The following ANK1 variants were observed in gnomAD, a reference collection of about 807,000 sequenced individuals.
ANK1 encodes the protein ankyrin 1.
In ANK1, 51 loss-of-function variants were observed where a neutral mutation model predicts 210.4. The observed-to-expected ratio is 0.24, with a 90% confidence interval of 0.19 to 0.31. ANK1 has a LOEUF of 0.31. Among genes scored for constraint, ANK1 ranks in the 10% least tolerant of loss-of-function variants. ANK1 has a pLI of 1.00. For synonymous variants in ANK1, 967 were observed against 1,025.9 expected (o/e 0.94, Z 1.10); for missense variants, 2,051 against 2,504.4 (o/e 0.82, Z 3.86).
chr8:41,776,361 G>T (rs1459416468), intron 1 of ANK1, among the ~76,000 whole-genome samples: 1 of 152,118 alleles, frequency 6.6e-6, no homozygotes, highest in African/African-American at 2.4e-5. Flanking sequence ...TTAATGAGCG[G>T]GGATCTGTCC....
chr8:41,884,500 AC>A, intron 1 of ANK1, among the ~76,000 whole-genome samples: 1 of 152,068 alleles, frequency 6.6e-6, no homozygotes, highest in South Asian at 2.1e-4. Context: ...AGTATCTCAG[AC>A]CCAGACTCAG....
intron 1 of ANK1, among the ~76,000 whole-genome samples, chr8:41,855,262 C>T (rs987492622): frequency 1.8e-4 from 27 of 152,146 alleles, no homozygotes; most frequent in African/African-American, 6.5e-4. Flanking sequence ...TGTTATGTGA[C>T]CAAAGTCACC....
chr8:41,760,495 A>G (rs1277941355), intron 1 of ANK1, among the ~76,000 whole-genome samples: 1 of 152,076 alleles, frequency 6.6e-6, no homozygotes, highest in Non-Finnish European at 1.5e-5. Context: ...TTTATAAATT[A>G]CCCAGTCTCG....
At chr8:41,870,874 C>A (rs914856147) in intron 1 of ANK1, among the ~76,000 whole-genome samples, 1 of 152,182 alleles carries the variant, frequency 6.6e-6, no homozygotes, top group South Asian at 2.1e-4. Context: ...GGAGCCTCTG[C>A]TTGGCGAACA....
rs771469784 is a variant in ANK1 at position 41,704,052 on chromosome 8, C to T, written c.2284G>A (p.Glu762Lys). 45 of 1,613,904 alleles carry T rather than the reference C, an allele frequency of 2.8e-5. No homozygotes were observed. Among genetic ancestry groups the T allele is most frequent in the African/African-American group, 6.7e-5 (5 of 74,896 alleles). Residue 762 changes from glutamate to lysine, a missense_variant, in exon 20 of 43, where the codon GAG becomes AAG. Physicochemically the swap from Glu to Lys is moderately conservative, Grantham distance 56. Around this residue, in one of 6 missense-constraint regions of ANK1, gnomAD observed 1,413 missense variants for 1,707.4 expected, o/e 0.83. Transcript: ENST00000289734. The surrounding 1 kb of genome is among the most constrained non-coding windows in gnomAD (Gnocchi z 4.1). ...LLLKNGASPNEVSSDGTTPLA... is the reference protein window; with the variant it reads ...LLLKNGASPNKVSSDGTTPLA... Reference sequence around the variant, plus strand: ...GAGAGTGTACTCACCGAGCTGACCTCGTTTGGGGAAGCACCGTTTTTCAGA... The same window carrying T: ...GAGAGTGTACTCACCGAGCTGACCTTGTTTGGGGAAGCACCGTTTTTCAGA...
At chr8:41,866,518 G>A (rs1814491199) in intron 1 of ANK1, among the ~76,000 whole-genome samples, 1 of 152,212 alleles carries the variant, frequency 6.6e-6, no homozygotes, top group Admixed American at 6.5e-5. Flanking sequence ...TAAGTGTACG[G>A]TTCAGGGACA....
chr8:41,713,086 C>T (rs147408296), intron 16 of ANK1, among the ~76,000 whole-genome samples: 336 of 152,362 alleles, frequency 2.2e-3, no homozygotes, highest in Middle Eastern at 0.014. Context: ...CTGGCACTGA[C>T]GCTCCCTGCC....
chr8:41,707,744 A>G (rs1824996167), intron 17 of ANK1, among the ~76,000 whole-genome samples: 1 of 152,220 alleles, frequency 6.6e-6, no homozygotes, highest in Non-Finnish European at 1.5e-5. Flanking sequence ...TAATGGTCCT[A>G]CCAGAATGGT....
chr8:41,823,646 T>A (rs1223452098), intron 1 of ANK1, among the ~76,000 whole-genome samples: 2 of 151,816 alleles, frequency 1.3e-5, no homozygotes, highest in Non-Finnish European at 2.9e-5. Context: ...AGTCTGTAGT[T>A]CCAGCTACTC....
chr8:41,862,193 T>C (rs1184412743), intron 1 of ANK1, among the ~76,000 whole-genome samples: 3 of 152,232 alleles, frequency 2.0e-5, no homozygotes, highest in African/African-American at 7.2e-5. Context: ...CAGATATACA[T>C]GAACTGCCTA....
intron 26 of ANK1, among the ~76,000 whole-genome samples, 183 bp downstream of exon 26, chr8:41,696,180 G>A (rs377040546): frequency 1.8e-3 from 272 of 152,284 alleles, no homozygotes; most frequent in Middle Eastern, 0.014. Flanking sequence ...GTGAGCTATC[G>A]TGCCCGACCT....
chr8:41,655,603 C>A lies in ANK1; in HGVS notation c.*187G>T. On this transcript the variant is annotated 3_prime_UTR_variant, in exon 43 of 43. Transcript: ENST00000289734. ...ATGCGTCTACAGTCAGTCATTCATG[C>A]CAAGAGGGGACTAGCAGGAGTCCCT... The A allele has an allele frequency of 8.3e-7, 1 of 1,204,672 alleles. No individual in the cohort carries two copies. The highest frequency in any genetic ancestry group is 1.3e-5 in the South Asian group (1 of 78,962). 74.6% of individuals were successfully genotyped at this position (1,204,672 alleles called of 1,614,324 possible).
Position 41,789,600 on chromosome 8 carries a change from C to T in ANK1, c.27+7912G>A, listed in dbSNP as rs942748055. Among the ~76,000 whole-genome samples the T allele has an allele frequency of 7.9e-5, 12 of 152,314 alleles. No individual in the cohort carries two copies. The South Asian group carries it at 8.3e-4, about 11-fold the overall frequency. ...TGTGGACGAGTTCACCTGCACCAGGCAATCTGGACATTGGGACTGAAGACT... is the reference window on the plus strand; with the variant it reads ...TGTGGACGAGTTCACCTGCACCAGGTAATCTGGACATTGGGACTGAAGACT... On this transcript the variant is annotated intron_variant, in intron 1 of 42. Coordinates refer to ENST00000289734, the MANE Select transcript of ANK1 (RefSeq NM_000037.4).
intron 1 of ANK1, among the ~76,000 whole-genome samples, chr8:41,861,316 C>T (rs1327772206): frequency 2.0e-5 from 3 of 152,132 alleles, no homozygotes; most frequent in Admixed American, 6.5e-5. Context: ...TCTGTGGAAA[C>T]GAGTTCTACC....
chr8:41,743,227 T>G (rs959918662), intron 2 of ANK1, among the ~76,000 whole-genome samples: 1 of 151,722 alleles, frequency 6.6e-6, no homozygotes, highest in Non-Finnish European at 1.5e-5. Flanking sequence ...CCATACTTAC[T>G]CCAAATCCTG....
intron 31 of ANK1, 117 bp from the exon 32 acceptor site, chr8:41,690,716 G>A (rs999186535): frequency 1.4e-5 from 21 of 1,464,664 alleles, no homozygotes; most frequent in South Asian, 1.0e-4. Context: ...AGAGGCATGC[G>A]GGTGTGTGCT....
At chr8:41,802,282 G>A (rs561057010), upstream of ANK1, among the ~76,000 whole-genome samples, 2 of 152,292 alleles carry the variant, frequency 1.3e-5, no homozygotes, top group South Asian at 2.1e-4. Context: ...GAGCCACCAC[G>A]CCCGACCTAT....
At position 41,694,202 on chromosome 8, in the gene ANK1, G is replaced by C. The variant is rs1530328; in HGVS notation, c.3328-100C>G. 5.4e-6 allele frequency: 7 copies of C among 1,296,946 alleles called. No homozygotes were observed. The highest frequency in any genetic ancestry group is 4.4e-5 in the African/African-American group (3 of 68,258). 80.3% of individuals were successfully genotyped at this position (1,296,946 alleles called of 1,614,324 possible). On this transcript the variant is annotated intron_variant, in intron 28 of 42. Coordinates refer to ENST00000289734, the MANE Select transcript of ANK1 (RefSeq NM_000037.4). The surrounding 1 kb of genome is among the most constrained non-coding windows in gnomAD (Gnocchi z 5.7). ...CTGGTGAGAGTGGCCGTCAGTGCAC[G>C]GGGTCCCGCCCTGCTGTTGGACCAC...
chr8:41,804,848 A>G (rs1476783066), intron 1 of ANK1, among the ~76,000 whole-genome samples: 2 of 152,198 alleles, frequency 1.3e-5, no homozygotes, highest in Admixed American at 6.5e-5. Context: ...GACCTCAGTC[A>G]TTTTAAAAAG....
Sources: gnomAD v4.1 joint callset for allele counts (sites outside exome capture counted in the v4.1 genomes callset) on GRCh38, gnomAD v4.1.1 for gene constraint, gnomAD v4.1.1 regional missense constraint, Gnocchi (gnomAD v3.1) non-coding constraint, MANE v1.5 for transcripts, NCBI Gene and HGNC (gene_info 2026-07-23, HGNC 2026-07-21) for gene names.